KCNQ1: variants seen among roughly 807,000 people sequenced by gnomAD.
The protein encoded by KCNQ1 is potassium voltage-gated channel subfamily KQT member 1.
KCNQ1 carries 49 observed loss-of-function variants against 72.4 expected under a neutral mutation model. The observed-to-expected ratio is 0.68, with a 90% CI of 0.54 to 0.86. The LOEUF (loss-of-function observed/expected upper bound fraction) is 0.86, where lower values mean the gene tolerates loss of function less well. Among genes scored for constraint, KCNQ1 ranks in the 40% least tolerant of loss-of-function variants. KCNQ1 has a pLI of 0.00. For missense variants in KCNQ1, 790 were observed against 945.1 expected (o/e 0.84, Z 2.15); for synonymous variants, 450 against 412.6 (o/e 1.09, Z -1.10).
intron 11 of KCNQ1, among the ~76,000 whole-genome samples, chr11:2,733,972 C>T (rs1482819893): frequency 6.6e-6 from 1 of 151,930 alleles, no homozygotes; most frequent in East Asian, 1.9e-4. Context: ...GTCTTCAGGC[C>T]TCAACCCACG....
At chr11:2,843,759 C>T (rs1324732579) in intron 15 of KCNQ1, among the ~76,000 whole-genome samples, 1 of 152,256 alleles carries the variant, frequency 6.6e-6, no homozygotes, top group Non-Finnish European at 1.5e-5. Flanking sequence ...TGGGTTTGAT[C>T]GCCGGCCGCC....
chr11:2,768,631 G>T lies in KCNQ1; in HGVS notation c.1515-213G>T, dbSNP rs1375567950. On this transcript the variant is annotated intron_variant, in intron 11 of 15. Transcript: ENST00000155840. The surrounding 1 kb of genome is among the most constrained non-coding windows in gnomAD (Gnocchi z 6.7). ...GGTCCCCTTCCCACTCACAGATGAG[G>T]TGAAACATTTCACCTTGAAAAGCCT... 6.6e-6 allele frequency among the ~76,000 whole-genome samples: 1 copy of T among 152,162 alleles called. No homozygotes were observed. Among genetic ancestry groups the T allele is most frequent in the Non-Finnish European group, 1.5e-5 (1 of 68,032 alleles).
At chr11:2,502,061 C>CAT (rs1246246733) in intron 1 of KCNQ1, among the ~76,000 whole-genome samples, 1 of 152,096 alleles carries the variant, frequency 6.6e-6, no homozygotes, top group Non-Finnish European at 1.5e-5. Context: ...TAATAAAAGC[C>CAT]ATATATGACA....
chr11:2,658,050 A>G lies in KCNQ1; in HGVS notation c.1394-3911A>G, dbSNP rs1031063322. The G allele has an allele frequency of 2.5e-6, 1 of 398,616 alleles. No individual in the cohort carries two copies. The highest frequency in any genetic ancestry group is 4.4e-6 in the Non-Finnish European group (1 of 226,054). The allele number at this position is 398,616 out of a possible 1,614,324, so 24.7% of individuals were successfully genotyped here. A position where few individuals can be genotyped will look rare whatever the true frequency, so the allele number is the denominator to read the frequency against. ...AGTCTTTAGAAGCGAGTCACTAAGTATAGCCCACACTCAAGGTGGGGAAGG... is the reference window on the plus strand; with the variant it reads ...AGTCTTTAGAAGCGAGTCACTAAGTGTAGCCCACACTCAAGGTGGGGAAGG... On this transcript the variant is annotated intron_variant, in intron 10 of 15. Coordinates refer to ENST00000155840, the MANE Select transcript of KCNQ1 (RefSeq NM_000218.3). This position sits in a 1 kb window ranked among gnomAD's most constrained non-coding sequence, Gnocchi z 4.9.
Position 2,507,406 on chromosome 11 carries a change from G to A in KCNQ1, c.387-20522G>A, listed in dbSNP as rs1179077683. 6.6e-6 allele frequency among the ~76,000 whole-genome samples: 1 copy of A among 152,074 alleles called. No homozygotes were observed. Among genetic ancestry groups the A allele is most frequent in the Non-Finnish European group, 1.5e-5 (1 of 68,026 alleles). On this transcript the variant is annotated intron_variant, in intron 1 of 15. Transcript: ENST00000155840. The surrounding 1 kb of genome is among the most constrained non-coding windows in gnomAD (Gnocchi z 5.4). ...GACTGAGGTGGCTGTGGGATGGGACGGCGTGGTTTGCTCTAGAGGGTTTGA... is the reference window on the plus strand; with the variant it reads ...GACTGAGGTGGCTGTGGGATGGGACAGCGTGGTTTGCTCTAGAGGGTTTGA...
At position 2,473,197 on chromosome 11, in the gene KCNQ1, C is replaced by T. The variant is rs1846517163; in HGVS notation, c.386+27713C>T. Among the ~76,000 whole-genome samples, 1 of 152,054 alleles carries T rather than the reference C, an allele frequency of 6.6e-6. No individual in the cohort carries two copies. The highest frequency in any genetic ancestry group is 1.5e-5 in the Non-Finnish European group (1 of 67,992). The stretch of plus-strand genomic sequence containing the variant: ...AGAGGCCAGGACGGGCCAAGGAGAG[C>T]AGGCAAGAGAAGGGGTGGGGCTGGC... On this transcript the variant is annotated intron_variant, in intron 1 of 15. Coordinates refer to ENST00000155840, the MANE Select transcript of KCNQ1 (RefSeq NM_000218.3). The surrounding 1 kb of genome is among the most constrained non-coding windows in gnomAD (Gnocchi z 6.0).
intron 15 of KCNQ1, among the ~76,000 whole-genome samples, chr11:2,845,551 G>T (rs1365959797): frequency 3.3e-5 from 5 of 152,226 alleles, no homozygotes; most frequent in African/African-American, 1.2e-4. Context: ...CATAGTCTGG[G>T]CCTCACATCA....
At chr11:2,694,460 C>T in intron 11 of KCNQ1, 1 of 398,634 alleles carries the variant, frequency 2.5e-6, no homozygotes, top group Non-Finnish European at 4.4e-6. Flanking sequence ...GACAGCCCCT[C>T]ACAACAAAGA....
chr11:2,566,350 CT>C lies in KCNQ1; in HGVS notation c.478-4277del, dbSNP rs1052261602. 2.6e-5 allele frequency among the ~76,000 whole-genome samples: 4 copies of C among 152,210 alleles called. No individual in the cohort carries two copies. The highest frequency in any genetic ancestry group is 4.1e-4 in the South Asian group (2 of 4,834). On this transcript the variant is annotated intron_variant, in intron 2 of 15. Transcript: ENST00000155840. The surrounding 1 kb of genome is among the most constrained non-coding windows in gnomAD (Gnocchi z 6.7). ...AGGCCTGGCCTCACCTGCCAGTGTC[CT>C]CTCCCACACCCGAGGACACCTGTAC...
Position 2,695,408 on chromosome 11 carries a change from G to A in KCNQ1, c.1514+33327G>A, listed in dbSNP as rs1590037872. On this transcript the variant is annotated intron_variant, in intron 11 of 15. Coordinates refer to ENST00000155840, the MANE Select transcript of KCNQ1 (RefSeq NM_000218.3). This position sits in a 1 kb window ranked among gnomAD's most constrained non-coding sequence, Gnocchi z 5.2. ...TGTGTAATTTTAATTTAAATACACAGTCATGTACTGAGGCCCTCTTTCTGT... is the reference window on the plus strand; with the variant it reads ...TGTGTAATTTTAATTTAAATACACAATCATGTACTGAGGCCCTCTTTCTGT... 14 of 398,516 alleles carry A rather than the reference G, an allele frequency of 3.5e-5. No homozygotes were observed. In the East Asian group the frequency reaches 4.6e-4, roughly 13 times the overall value. The allele number at this position is 398,516 out of a possible 1,614,324, so 24.7% of individuals were successfully genotyped here.
At chr11:2,510,768 C>G (rs949167124) in intron 1 of KCNQ1, among the ~76,000 whole-genome samples, 1 of 152,216 alleles carries the variant, frequency 6.6e-6, no homozygotes, top group Non-Finnish European at 1.5e-5. Flanking sequence ...CAGAGCCTGC[C>G]TCCAGGTCCT....
At chr11:2,572,368 G>A (rs1380710892) in intron 5 of KCNQ1, among the ~76,000 whole-genome samples, 1 of 152,178 alleles carries the variant, frequency 6.6e-6, no homozygotes, top group East Asian at 1.9e-4. Context: ...TGAGCTGGGG[G>A]CAAATGAAGA....
intron 11 of KCNQ1, among the ~76,000 whole-genome samples, chr11:2,753,812 A>G (rs1175060341): frequency 1.3e-5 from 2 of 152,172 alleles, no homozygotes; most frequent in Admixed American, 6.5e-5. Context: ...CACATTTGAG[A>G]AACTTCCCAG....
chr11:2,797,640 G>A (rs147884759), intron 15 of KCNQ1, among the ~76,000 whole-genome samples: 123 of 152,176 alleles, frequency 8.1e-4, no homozygotes, highest in African/African-American at 2.8e-3. Context: ...TGCCTTCTCT[G>A]TGCAGCAGGG....
intron 11 of KCNQ1, chr11:2,686,640 G>A (rs1173888618): frequency 5.0e-6 from 2 of 398,682 alleles, no homozygotes; most frequent in East Asian, 3.6e-5. Context: ...GGCCCAGGCT[G>A]CACAGAGCAT....
chr11:2,629,469 C>T lies in KCNQ1; in HGVS notation c.1394-32492C>T, dbSNP rs148316434. ...AAGAGTTTTATAGTTTTAGGTCTTA[C>T]ATTTAGGTCTGTGGTCCACTTTGAG... On this transcript the variant is annotated intron_variant, in intron 10 of 15. Coordinates refer to ENST00000155840, the MANE Select transcript of KCNQ1 (RefSeq NM_000218.3). The T allele has an allele frequency of 1.6e-3, 618 of 398,406 alleles. 3 individuals are homozygous for T. Among genetic ancestry groups the T allele is most frequent in the African/African-American group, 0.01 (506 of 48,714 alleles). The allele number at this position is 398,406 out of a possible 1,614,324, so 24.7% of individuals were successfully genotyped here.
chr11:2,446,631 C>T lies in KCNQ1; in HGVS notation c.386+1147C>T, dbSNP rs746427698. Among the ~76,000 whole-genome samples the T allele has an allele frequency of 3.0e-4, 45 of 152,254 alleles. No individual in the cohort carries two copies. The highest frequency in any genetic ancestry group is 3.4e-3 in the Middle Eastern group (1 of 294). On this transcript the variant is annotated intron_variant, in intron 1 of 15. Transcript: ENST00000155840. The surrounding 1 kb of genome is among the most constrained non-coding windows in gnomAD (Gnocchi z 8.8). ...TCAGGTGAGGGGGTGGGGTAGGGGTCGCAGGGCTACTGCCTTCCTTGCTAA... is the reference window on the plus strand; with the variant it reads ...TCAGGTGAGGGGGTGGGGTAGGGGTTGCAGGGCTACTGCCTTCCTTGCTAA...
In KCNQ1 at chr11:2,588,900, A is replaced by G. The variant is rs774513778; in HGVS notation, c.1393+46A>G. ...TGGGGGCCGCGGGGCCGGGAAGGTC[A>G]CTGCCTTTTTTGGGAGCCCGAGCAA... On this transcript the variant is annotated intron_variant, in intron 10 of 15. Transcript: ENST00000155840. The surrounding 1 kb of genome is among the most constrained non-coding windows in gnomAD (Gnocchi z 5.6). The G allele has an allele frequency of 3.7e-6, 6 of 1,604,768 alleles. No homozygotes were observed. The highest frequency in any genetic ancestry group is 4.5e-4 in the Middle Eastern group (2 of 4,480).
intron 10 of KCNQ1, chr11:2,656,119 C>A: frequency 2.5e-6 from 1 of 398,666 alleles, no homozygotes; most frequent in Non-Finnish European, 4.4e-6. Context: ...TACGTTCTAG[C>A]CTGTGCTCCA....
Sources: gnomAD v4.1 joint callset for allele counts (sites outside exome capture counted in the v4.1 genomes callset) on GRCh38, gnomAD v4.1.1 for gene constraint, Gnocchi (gnomAD v3.1) non-coding constraint, MANE v1.5 for transcripts, NCBI Gene and HGNC (gene_info 2026-07-23, HGNC 2026-07-21) for gene names.